Variants in NUP133 observed in about 807,000 individuals in gnomAD.
NUP133 encodes the protein nuclear pore complex protein Nup133.
Under a neutral mutation model 146.2 loss-of-function variants are expected in NUP133, and 66 were observed. The observed-to-expected ratio is 0.45, with a 90% CI of 0.37 to 0.55. The LOEUF is 0.55. NUP133 is among the 20% of genes least tolerant of loss of function. The pLI is 0.00. For synonymous variants in NUP133, 521 were observed against 498.8 expected, an observed-to-expected ratio of 1.04 and a Z score of -0.59; for missense variants, 1,277 against 1,374.8, an observed-to-expected ratio of 0.93 and a Z score of 1.12.
chr1:229,483,936 A>T, intron 12 of NUP133, 118 bp downstream of exon 12: 1 of 651,756 alleles, frequency 1.5e-6, no homozygotes, highest in Non-Finnish European at 2.6e-6. Context: ...TCAAAAAAAC[A>T]TTCTCCTCTT....
rs767096741 is a variant in NUP133, at chr1:229,499,675, G to A, written c.648+9C>T. ...TTCCAATAAATATAAAGGAATATCC[G>A]TGGTATACCTGCACTGCTGTTAGGA... On this transcript the variant is annotated intron_variant, in intron 5 of 25. Transcript: ENST00000261396. 1.6e-5 allele frequency: 25 copies of A among 1,603,168 alleles called. No homozygotes were observed. Among genetic ancestry groups the A allele is most frequent in the South Asian group, 6.7e-5 (6 of 89,280 alleles).
Position 229,505,918 on chromosome 1 carries a change from G to A in NUP133, c.301+122C>T, listed in dbSNP as rs1220584163. 17 of 618,498 alleles carry A rather than the reference G, an allele frequency of 2.7e-5. No individual in the cohort carries two copies. In the South Asian group the frequency reaches 3.1e-4, roughly 11 times the overall value. The allele number at this position is 618,498 out of a possible 1,614,324, so 38.3% of individuals were successfully genotyped here. ...AATAAAAATAAAAAAACACTAGACA[G>A]GCCACCCATCTCTCACCATTTACGT... On this transcript the variant is annotated intron_variant, in intron 2 of 25. Transcript: ENST00000261396.
At chr1:229,463,708 C>T (rs373831280) in intron 18 of NUP133, 32 bp from the exon 19 acceptor site, 94 of 1,562,740 alleles carry the variant, frequency 6.0e-5, no homozygotes, top group Middle Eastern at 1.7e-4. Flanking sequence ...GGAAAAAATC[C>T]TGTTAGCAAA....
intron 10 of NUP133, 118 bp from the exon 11 acceptor site, chr1:229,486,646 T>C: frequency 1.1e-6 from 1 of 948,070 alleles, no homozygotes; most frequent in Non-Finnish European, 1.6e-6. Flanking sequence ...TTTTTTCCTT[T>C]ACAACATTAG....
At chr1:229,490,180 T>G in intron 8 of NUP133, 78 bp from the exon 9 acceptor site, 1 of 1,259,948 alleles carries the variant, frequency 7.9e-7, no homozygotes, top group South Asian at 2.2e-5. Context: ...AACATATGCT[T>G]CCATATAACT....
At chr1:229,491,424 C>T (rs1661509019) in intron 8 of NUP133, among the ~76,000 whole-genome samples, 2 of 152,118 alleles carry the variant, frequency 1.3e-5, no homozygotes, top group Admixed American at 1.3e-4. Flanking sequence ...ATAGGAGGAT[C>T]ATTTGAGCCC....
chr1:229,444,821 T>C, intron 25 of NUP133, 93 bp downstream of exon 25: 3 of 795,204 alleles, frequency 3.8e-6, no homozygotes, highest in East Asian at 2.5e-5. Flanking sequence ...CACTCCAGCC[T>C]GAGTGACAGA....
chr1:229,507,804 G>C, intron 1 of NUP133: 1 of 544,244 alleles, frequency 1.8e-6, no homozygotes, highest in Non-Finnish European at 2.3e-6. Context: ...GTGGGAAGTA[G>C]GTAAACACTG....
At chr1:229,443,908 TTTTTTTTTTTA>T (rs916063406) in intron 25 of NUP133, among the ~76,000 whole-genome samples, 4 of 139,926 alleles carry the variant, frequency 2.9e-5, no homozygotes, top group African/African-American at 1.1e-4. Flanking sequence ...TTTTTTTTTT[TTTTTTTTTTTA>T]AAATAGGGAC....
intron 12 of NUP133, among the ~76,000 whole-genome samples, chr1:229,479,020 A>G (rs1484375026): frequency 2.6e-5 from 4 of 152,214 alleles, no homozygotes; most frequent in Non-Finnish European, 4.4e-5. Context: ...TTCACTTCCC[A>G]CAGTCACAGT....
rs201432962 is a variant in NUP133 at position 229,466,750 on chromosome 1, G to C, written c.2083C>G (p.Gln695Glu). Residue 695 changes from glutamine (Q) to glutamate (E), a missense_variant, in exon 16 of 26, where the codon CAA becomes GAA. By Grantham distance (29) the Gln-to-Glu change is conservative. Coordinates refer to ENST00000261396, the MANE Select transcript of NUP133 (RefSeq NM_018230.3). ...PADVFFREVS[Q>E]VDTICECLLE... ...AAGCACTCACAGATGGTATCTACTT[G>C]GGATACCTGAGAGAATACACAGAAG... 2 of 1,613,750 alleles carry C rather than the reference G, an allele frequency of 1.2e-6. No individual in the cohort carries two copies. Among genetic ancestry groups the C allele is most frequent in the Non-Finnish European group, 1.7e-6 (2 of 1,179,782 alleles).
Position 229,499,910 on chromosome 1 carries a change from A to ATT in NUP133, c.514-94_514-93dup, listed in dbSNP as rs1661754020. ...GGCAATGATACAAAGAAACAGGACA[A>ATT]TTTACTATTTGATCAAGAAAAATCA... On this transcript the variant is annotated intron_variant, in intron 4 of 25. Coordinates refer to ENST00000261396, the MANE Select transcript of NUP133 (RefSeq NM_018230.3). 3 of 1,408,790 alleles carry ATT rather than the reference A, an allele frequency of 2.1e-6. No individual in the cohort carries two copies. In the East Asian group the frequency reaches 7.1e-5, roughly 33 times the overall value. 87.3% of individuals were successfully genotyped at this position (1,408,790 alleles called of 1,614,324 possible).
chr1:229,505,908 A>T (rs1459540764), intron 2 of NUP133, 132 bp downstream of exon 2: 2 of 571,352 alleles, frequency 3.5e-6, no homozygotes, highest in East Asian at 5.7e-5. Context: ...AAATAAAAAA[A>T]CACTAGACAG....
chr1:229,485,423 G>A (rs1558102931), intron 11 of NUP133, among the ~76,000 whole-genome samples: 1 of 152,124 alleles, frequency 6.6e-6, no homozygotes, highest in Non-Finnish European at 1.5e-5. Flanking sequence ...CCTGGAGTGT[G>A]TAAAAAGATT....
intron 17 of NUP133, 80 bp from the exon 18 acceptor site, chr1:229,464,955 A>T (rs1179599907): frequency 6.6e-7 from 1 of 1,520,100 alleles, no homozygotes. Context: ...CATAAAAATT[A>T]TGCCTCTTCA....
rs901557298 is a variant in NUP133 at position 229,503,252 on chromosome 1, T to C, written c.302-1150A>G. 2.0e-5 allele frequency among the ~76,000 whole-genome samples: 3 copies of C among 152,176 alleles called. 1 individual carries two copies. The highest frequency in any genetic ancestry group is 7.2e-5 in the African/African-American group (3 of 41,444). On this transcript the variant is annotated intron_variant, in intron 2 of 25. Coordinates refer to ENST00000261396, the MANE Select transcript of NUP133 (RefSeq NM_018230.3). ...GAGATCGCGCCACTGCACTCCAGCC[T>C]GGGCAACAGAGCAAGACTCTGTCTC...
chr1:229,452,418 A>T, intron 22 of NUP133, 107 bp downstream of exon 22: 2 of 729,806 alleles, frequency 2.7e-6, no homozygotes, highest in Non-Finnish European at 4.2e-6. Context: ...TCTGGAAGGT[A>T]GGCAGTAGAA....
At position 229,463,646 on chromosome 1, in the gene NUP133, G is replaced by C; in HGVS notation, c.2582C>G (p.Ser861Cys). ...AAAGTCACAGTATTTCTCTGCTAGA[G>C]AAGCAGCCCACAGGTACTGGCCTAG... ...LSLGQYLWAASLAEKYCDFDI... is the reference protein window; with the variant it reads ...LSLGQYLWAACLAEKYCDFDI... Residue 861 changes from serine (S) to cysteine (C), a missense_variant, in exon 19 of 26, where the codon TCT becomes TGT. Transcript: ENST00000261396. 1 of 1,613,972 alleles carries C rather than the reference G, an allele frequency of 6.2e-7. No homozygotes were observed. The highest frequency in any genetic ancestry group is 1.1e-5 in the South Asian group (1 of 91,042).
At position 229,477,689 on chromosome 1, in the gene NUP133, G is replaced by C. The variant is rs1661110877; in HGVS notation, c.1664C>G (p.Ser555Cys). Reference protein sequence around the residue: ...FSSHSDLDSDSELDRAVTQIS... With the variant: ...FSSHSDLDSDCELDRAVTQIS... ...TTGGGTAACTGCCCTGTCTAGTTCA[G>C]AATCAGAATCCAAATCAGAGTGAGA... Residue 555 changes from serine (S) to cysteine (C), a missense_variant, in exon 13 of 26, where the codon TCT becomes TGT. Ser to Cys is a moderately radical substitution (Grantham distance 112). Transcript: ENST00000261396. The C allele has an allele frequency of 2.5e-6, 4 of 1,613,742 alleles. No homozygotes were observed. The highest frequency in any genetic ancestry group is 3.4e-6 in the Non-Finnish European group (4 of 1,179,888).
Sources: allele counts gnomAD v4.1 joint callset (sites outside exome capture counted in the v4.1 genomes callset), GRCh38; gene constraint gnomAD v4.1.1; transcripts MANE v1.5; gene names NCBI Gene and HGNC (gene_info 2026-07-23, HGNC 2026-07-21).